Variants in OSBPL6 observed in about 807,000 individuals in gnomAD.
OSBPL6 encodes the protein oxysterol binding protein like 6.
A neutral mutation model predicts 125.8 loss-of-function variants in OSBPL6; 49 were observed. The observed-to-expected ratio is 0.39, with a 90% CI of 0.31 to 0.49. The LOEUF (loss-of-function observed/expected upper bound fraction) is 0.49, where lower values mean the gene tolerates loss of function less well. OSBPL6 is among the 20% of genes least tolerant of loss of function. OSBPL6 has a pLI of 0.88. For missense variants in OSBPL6, 986 were observed against 1,135.4 expected, an observed-to-expected ratio of 0.87 and a Z score of 1.89; for synonymous variants, 394 against 391.8, an observed-to-expected ratio of 1.01 and a Z score of -0.07.
intron 1 of OSBPL6, among the ~76,000 whole-genome samples, chr2:178,218,007 G>C (rs1470421836): frequency 6.6e-6 from 1 of 152,154 alleles, no homozygotes; most frequent in Non-Finnish European, 1.5e-5. Context: ...AGGTTCAATA[G>C]GGTTTTTGAG....
chr2:178,345,734 A>G (rs1195903681), intron 11 of OSBPL6, among the ~76,000 whole-genome samples: 1 of 152,230 alleles, frequency 6.6e-6, no homozygotes, highest in Non-Finnish European at 1.5e-5. Flanking sequence ...ATGGAAAGGA[A>G]CAGTCCATCA....
intron 2 of OSBPL6, among the ~76,000 whole-genome samples, chr2:178,289,820 CT>C (rs1465949377): frequency 6.8e-6 from 1 of 147,032 alleles, no homozygotes; most frequent in Non-Finnish European, 1.5e-5. Context: ...TGTTACTTAA[CT>C]TTTTTCTCTA....
At chr2:178,317,642 T>C (rs550554403) in intron 3 of OSBPL6, among the ~76,000 whole-genome samples, 1 of 151,540 alleles carries the variant, frequency 6.6e-6, no homozygotes, top group Non-Finnish European at 1.5e-5. Context: ...TATATATGAA[T>C]GATATGCTCT....
At chr2:178,284,351 G>A (rs1206783947) in intron 1 of OSBPL6, among the ~76,000 whole-genome samples, 3 of 152,090 alleles carry the variant, frequency 2.0e-5, no homozygotes, top group Admixed American at 6.5e-5. Flanking sequence ...TCAGGAGTTC[G>A]AGACCAGCCT....
intron 22 of OSBPL6, among the ~76,000 whole-genome samples, chr2:178,391,909 T>C (rs1405800594): frequency 2.0e-5 from 3 of 152,264 alleles, no homozygotes; most frequent in East Asian, 1.9e-4. Context: ...ATTTATTGAG[T>C]GCTGGCTGTA....
chr2:178,368,870 C>T (rs991988010), intron 13 of OSBPL6, among the ~76,000 whole-genome samples: 3 of 150,734 alleles, frequency 2.0e-5, no homozygotes, highest in African/African-American at 7.3e-5. Flanking sequence ...ACAGTCTTGG[C>T]TCAGTGCAGC....
chr2:178,205,412 G>A (rs2089474834), intron 1 of OSBPL6, among the ~76,000 whole-genome samples: 1 of 152,198 alleles, frequency 6.6e-6, no homozygotes, highest in Non-Finnish European at 1.5e-5. Context: ...ACAGTGAGGA[G>A]TGATGGGGGA....
intron 12 of OSBPL6, among the ~76,000 whole-genome samples, chr2:178,360,914 T>C (rs1324285552): frequency 1.3e-5 from 2 of 152,220 alleles, no homozygotes; most frequent in Non-Finnish European, 2.9e-5. Flanking sequence ...AATAAGGAAA[T>C]ACCTATTTTA....
rs1363359154 is a variant in OSBPL6 at position 178,199,250 on chromosome 2, A to G, written c.-351+4576A>G. The stretch of plus-strand genomic sequence containing the variant: ...CTTTCATGTGTCAGTATCCAAAGGC[A>G]GCGTTTTAAATTTTGATTATACTGT... On this transcript the variant is annotated intron_variant, in intron 1 of 24. Coordinates refer to ENST00000190611, the MANE Select transcript of OSBPL6 (RefSeq NM_032523.4). Among the ~76,000 whole-genome samples, 3 of 152,224 alleles carry G rather than the reference A, an allele frequency of 2.0e-5. 1 individual carries two copies.
At chr2:178,279,019 A>G (rs2092524986) in intron 1 of OSBPL6, among the ~76,000 whole-genome samples, 1 of 152,228 alleles carries the variant, frequency 6.6e-6, no homozygotes, top group South Asian at 2.1e-4. Flanking sequence ...TATGTGAGAA[A>G]ATGATCAAAA....
intron 1 of OSBPL6, among the ~76,000 whole-genome samples, chr2:178,281,649 GGGACAT>G (rs1307202698): frequency 6.6e-6 from 1 of 152,080 alleles, no homozygotes; most frequent in Non-Finnish European, 1.5e-5. Context: ...GTCCTTTGCA[GGGACAT>G]GGACAGAGGT....
At position 178,391,093 on chromosome 2, in the gene OSBPL6, C is replaced by T. The variant is rs1695364548; in HGVS notation, c.2322C>T (p.Asn774=). Residue 774 remains asparagine (N), a synonymous_variant, in exon 22 of 25, where the codon AAC becomes AAT. Coordinates refer to ENST00000190611, the MANE Select transcript of OSBPL6 (RefSeq NM_032523.4). Reference sequence around the variant, plus strand: ...TCCAGGTGAATTATTGGAATTCTAACATGAATGAAGTCCAGGGGGTGGTGA... The same window carrying T: ...TCCAGGTGAATTATTGGAATTCTAATATGAATGAAGTCCAGGGGGTGGTGA... The part of the protein sequence containing the change: ...TFVKVNYWNS[N]MNEVQGVVID... 6.2e-7 allele frequency: 1 copy of T among 1,613,142 alleles called. No homozygotes were observed. Among genetic ancestry groups the T allele is most frequent in the South Asian group, 1.1e-5 (1 of 90,866 alleles).
intron 4 of OSBPL6, among the ~76,000 whole-genome samples, chr2:178,324,554 A>G (rs1041682322): frequency 6.6e-6 from 1 of 152,246 alleles, no homozygotes; most frequent in Non-Finnish European, 1.5e-5. Flanking sequence ...TGTTGGAGAT[A>G]AACAAATATT....
At chr2:178,199,827 A>G (rs953738286) in intron 1 of OSBPL6, among the ~76,000 whole-genome samples, 4 of 152,194 alleles carry the variant, frequency 2.6e-5, no homozygotes, top group Admixed American at 1.3e-4. Context: ...TTGTGTTTAC[A>G]TTCTAATCTT....
intron 3 of OSBPL6, among the ~76,000 whole-genome samples, chr2:178,318,170 A>C (rs1687931217): frequency 6.6e-6 from 1 of 152,008 alleles, no homozygotes; most frequent in Admixed American, 6.6e-5. Flanking sequence ...TTGCTGAACT[A>C]CTCTTTGCTA....
chr2:178,274,438 T>A (rs898779238), intron 1 of OSBPL6, among the ~76,000 whole-genome samples: 7 of 152,114 alleles, frequency 4.6e-5, no homozygotes, highest in African/African-American at 1.7e-4. Flanking sequence ...AAATAAACTG[T>A]ACATAATAAA....
chr2:178,236,210 T>A (rs2091045692), intron 1 of OSBPL6, among the ~76,000 whole-genome samples: 1 of 152,218 alleles, frequency 6.6e-6, no homozygotes, highest in Non-Finnish European at 1.5e-5. Context: ...TGAAATACTC[T>A]TATATCTTAA....
intron 2 of OSBPL6, among the ~76,000 whole-genome samples, chr2:178,291,072 GA>G (rs1685213135): frequency 6.6e-6 from 1 of 150,654 alleles, no homozygotes; most frequent in Admixed American, 6.6e-5. Context: ...TTTATGTAGA[GA>G]AAATCTTACA....
intron 1 of OSBPL6, among the ~76,000 whole-genome samples, chr2:178,232,317 A>G (rs534641475): frequency 1.2e-4 from 19 of 152,102 alleles, no homozygotes; most frequent in Admixed American, 2.0e-4. Flanking sequence ...TATGTTTCTC[A>G]TGAGTACCTT....
Sources: allele counts gnomAD v4.1 joint callset (sites outside exome capture counted in the v4.1 genomes callset), GRCh38; gene constraint gnomAD v4.1.1; transcripts MANE v1.5; gene names NCBI Gene and HGNC (gene_info 2026-07-23, HGNC 2026-07-21).